The following ACAD11 variants were observed in gnomAD, a reference collection of about 807,000 sequenced individuals.
ACAD11 encodes the protein acyl-CoA dehydrogenase family member 11.
ACAD11 carries 83 observed loss-of-function variants against 102.2 expected under a neutral mutation model. The ratio of observed to expected loss-of-function variants is 0.81; its 90% CI spans 0.68 to 0.97. ACAD11 has a LOEUF of 0.97. ACAD11 is among the 50% of genes least tolerant of loss of function. The pLI is 0.00. For missense variants in ACAD11, 901 were observed against 951.7 expected, an observed-to-expected ratio of 0.95 and a Z score of 0.70; for synonymous variants, 324 against 319.8, an observed-to-expected ratio of 1.01 and a Z score of -0.14.
chr3:132,641,897 GCTT>G, intron 4 of ACAD11, 72 bp downstream of exon 4: 1 of 1,347,124 alleles, frequency 7.4e-7, no homozygotes, highest in Non-Finnish European at 1.0e-6. Flanking sequence ...TACAATAATA[GCTT>G]TTTTTGTTGA....
At chr3:132,600,592 T>C in intron 13 of ACAD11, 2 of 1,613,908 alleles carry the variant, frequency 1.2e-6, no homozygotes, top group Middle Eastern at 1.7e-4. Context: ...TAGTGGCAAT[T>C]TATGCCTATT....
chr3:132,656,379 C>G (rs1164507667), intron 1 of ACAD11, among the ~76,000 whole-genome samples: 3 of 152,182 alleles, frequency 2.0e-5, no homozygotes, highest in Non-Finnish European at 4.4e-5. Flanking sequence ...TCATGTGTAT[C>G]TTCCCAACTT....
At chr3:132,601,720 T>A in intron 13 of ACAD11, 1 of 438,908 alleles carries the variant, frequency 2.3e-6, no homozygotes, top group Non-Finnish European at 4.4e-6. Context: ...AGAAGAGCTT[T>A]GTGGTGATAA....
In ACAD11 at chr3:132,602,072, G is replaced by T. The variant is rs528872520; in HGVS notation, c.1621+1157C>A. 1.9e-3 allele frequency: 321 copies of T among 166,246 alleles called. 2 individuals are homozygous for T. The highest frequency in any genetic ancestry group is 7.4e-3 in the African/African-American group (306 of 41,304). The allele number at this position is 166,246 out of a possible 1,614,324, so 10.3% of individuals were successfully genotyped here. ...ATTATCTAAGTTTTAATACAAGAAC[G>T]ATTTCCCTGCATAATTTTAGTACTT... On this transcript the variant is annotated intron_variant, in intron 13 of 19. Coordinates refer to ENST00000264990, the MANE Select transcript of ACAD11 (RefSeq NM_032169.5).
At chr3:132,627,979 G>A (rs375269751) in intron 8 of ACAD11, among the ~76,000 whole-genome samples, 33 of 152,268 alleles carry the variant, frequency 2.2e-4, no homozygotes, top group South Asian at 1.7e-3. Flanking sequence ...AAATGTAACA[G>A]TGGAAAAGAA....
chr3:132,584,174 T>C (rs1038334159), intron 13 of ACAD11, among the ~76,000 whole-genome samples: 3 of 152,116 alleles, frequency 2.0e-5, no homozygotes, highest in African/African-American at 7.2e-5. Flanking sequence ...AAGTCTCCCA[T>C]TATTATTGTG....
At chr3:132,650,136 A>C (rs562585478) in intron 1 of ACAD11, 1 of 152,240 alleles carries the variant, frequency 6.6e-6, no homozygotes, top group Non-Finnish European at 1.5e-5. Flanking sequence ...CCACAGTGAA[A>C]AATGAGAGAC....
intron 13 of ACAD11, among the ~76,000 whole-genome samples, chr3:132,598,164 A>T (rs528287417): frequency 6.6e-5 from 10 of 152,318 alleles, no homozygotes; most frequent in Middle Eastern, 6.8e-3. Context: ...AGAGGACAAA[A>T]AGAACCCAAG....
chr3:132,565,781 C>T (rs1220270113), intron 17 of ACAD11, among the ~76,000 whole-genome samples: 1 of 152,074 alleles, frequency 6.6e-6, no homozygotes, highest in African/African-American at 2.4e-5. Flanking sequence ...GGATGTCCCC[C>T]CTTATCTCTC....
intron 3 of ACAD11, 135 bp downstream of exon 3, chr3:132,642,542 C>A (rs577955389): frequency 1.1e-5 from 11 of 1,028,200 alleles, no homozygotes; most frequent in Non-Finnish European, 1.4e-5. Context: ...AAATTGTAAA[C>A]CTTTGCAATG....
chr3:132,658,781 C>A (rs1262900576), intron 1 of ACAD11, among the ~76,000 whole-genome samples: 1 of 152,160 alleles, frequency 6.6e-6, no homozygotes, highest in Non-Finnish European at 1.5e-5. Flanking sequence ...TGATAAAATA[C>A]CACTAGCACA....
intron 13 of ACAD11, among the ~76,000 whole-genome samples, chr3:132,593,030 T>G (rs1345191186): frequency 6.6e-6 from 1 of 151,392 alleles, no homozygotes; most frequent in African/African-American, 2.4e-5. Context: ...TAGAGCAGAG[T>G]TGAAAATTAA....
intron 11 of ACAD11, among the ~76,000 whole-genome samples, chr3:132,606,732 C>T (rs191309461): frequency 2.0e-5 from 3 of 152,184 alleles, no homozygotes; most frequent in African/African-American, 4.8e-5. Context: ...TCCTGCCTGC[C>T]GGCACTGAAG....
intron 11 of ACAD11, among the ~76,000 whole-genome samples, chr3:132,613,755 C>T (rs1211858942): frequency 2.6e-5 from 4 of 151,872 alleles, no homozygotes; most frequent in African/African-American, 4.8e-5. Flanking sequence ...AAAAATTAGT[C>T]GGGCATGGTG....
At chr3:132,639,936 T>C (rs1940421662) in intron 4 of ACAD11, among the ~76,000 whole-genome samples, 1 of 151,436 alleles carries the variant, frequency 6.6e-6, no homozygotes, top group Admixed American at 6.6e-5. Flanking sequence ...ATTCAGCAAC[T>C]ACTTTGTAGA....
At chr3:132,569,855 G>C (rs1013646845) in intron 17 of ACAD11, among the ~76,000 whole-genome samples, 3 of 152,146 alleles carry the variant, frequency 2.0e-5, no homozygotes, top group Admixed American at 2.0e-4. Flanking sequence ...CAACATGAAG[G>C]ATCCTTGTAG....
chr3:132,633,105 A>C (rs556225715), intron 5 of ACAD11, among the ~76,000 whole-genome samples: 2 of 152,312 alleles, frequency 1.3e-5, no homozygotes, highest in South Asian at 4.1e-4. Flanking sequence ...AACTTCCAAC[A>C]CTATGTTGAA....
intron 11 of ACAD11, among the ~76,000 whole-genome samples, chr3:132,608,233 C>G (rs1003902180): frequency 1.3e-5 from 2 of 152,090 alleles, no homozygotes; most frequent in Non-Finnish European, 2.9e-5. Context: ...GCAAAATAAC[C>G]AGCTAGCATC....
In ACAD11 at chr3:132,560,988, G is replaced by C. The variant is rs553350101; in HGVS notation, c.2118+113C>G. ...ATTTATAACCCAAAATCACATGGGG[G>C]CTTCCAATATTCTGAGTGCCATCAA... On this transcript the variant is annotated intron_variant, in intron 18 of 19. Transcript: ENST00000264990. 41 of 762,380 alleles carry C rather than the reference G, an allele frequency of 5.4e-5. 2 individuals carry two copies. The South Asian group carries it at 6.3e-4, about 12-fold the overall frequency. The allele number at this position is 762,380 out of a possible 1,614,324, so 47.2% of individuals were successfully genotyped here.
Sources: allele counts gnomAD v4.1 joint callset (sites outside exome capture counted in the v4.1 genomes callset), GRCh38; gene constraint gnomAD v4.1.1; transcripts MANE v1.5; gene names NCBI Gene and HGNC (gene_info 2026-07-23, HGNC 2026-07-21).